Variants in DOK6 observed in about 807,000 individuals in gnomAD.
DOK6 encodes docking protein 6.
In DOK6, 22 loss-of-function variants were observed where a neutral mutation model predicts 44.0. The observed-to-expected ratio is 0.50, with a 90% confidence interval of 0.36 to 0.71. The LOEUF (loss-of-function observed/expected upper bound fraction) is 0.71. Among genes scored for constraint, DOK6 ranks in the 30% least tolerant of loss-of-function variants. The probability of loss-of-function intolerance (pLI) is 0.00; values close to 1 mark genes in which losing one functional copy is unlikely to be tolerated. For missense variants in DOK6, 340 were observed against 416.4 expected, an observed-to-expected ratio of 0.82 and a Z score of 1.60; for synonymous variants, 166 against 145.5, an observed-to-expected ratio of 1.14 and a Z score of -1.01.
At chr18:69,813,771 T>A (rs1263668999) in intron 7 of DOK6, among the ~76,000 whole-genome samples, 2 of 151,904 alleles carry the variant, frequency 1.3e-5, no homozygotes, top group Non-Finnish European at 2.9e-5. Context: ...AAACTAGGAA[T>A]TGGGCAATCT....
chr18:69,824,838 G>A (rs1344295224), intron 7 of DOK6, among the ~76,000 whole-genome samples: 1 of 152,218 alleles, frequency 6.6e-6, no homozygotes, highest in Non-Finnish European at 1.5e-5. Context: ...AGGACTGAAT[G>A]AAGTGAAGAC....
At chr18:69,544,460 AGT>A (rs1232239629) in intron 1 of DOK6, among the ~76,000 whole-genome samples, 1 of 151,706 alleles carries the variant, frequency 6.6e-6, no homozygotes, top group African/African-American at 2.4e-5. Context: ...ATGGGAAAGC[AGT>A]CAGTAAAGGA....
chr18:69,584,393 C>T (rs1395518738), intron 2 of DOK6, among the ~76,000 whole-genome samples: 1 of 152,000 alleles, frequency 6.6e-6, no homozygotes, highest in African/African-American at 2.4e-5. Flanking sequence ...TCAAGCGATT[C>T]CTGATTCTCC....
At chr18:69,614,590 A>G (rs1984240980) in intron 3 of DOK6, among the ~76,000 whole-genome samples, 1 of 150,194 alleles carries the variant, frequency 6.7e-6, no homozygotes, top group African/African-American at 2.5e-5. Flanking sequence ...AACACTTAAA[A>G]TCTACCCTGT....
chr18:69,540,187 G>A (rs1982232926), intron 1 of DOK6, among the ~76,000 whole-genome samples: 1 of 152,092 alleles, frequency 6.6e-6, no homozygotes. Context: ...ATTTGGGTGG[G>A]AACACAGAAC....
At chr18:69,750,343 G>A (rs1328827722) in intron 6 of DOK6, among the ~76,000 whole-genome samples, 1 of 151,918 alleles carries the variant, frequency 6.6e-6, no homozygotes, top group Non-Finnish European at 1.5e-5. Flanking sequence ...TAGAACCATA[G>A]AACAGTCAGA....
intron 3 of DOK6, among the ~76,000 whole-genome samples, chr18:69,611,112 A>C (rs1488355132): frequency 6.6e-6 from 1 of 152,018 alleles, no homozygotes. Flanking sequence ...AAAGAAGATA[A>C]AATGAGCAAA....
At chr18:69,516,313 A>G (rs1165883678) in intron 1 of DOK6, among the ~76,000 whole-genome samples, 1 of 144,852 alleles carries the variant, frequency 6.9e-6, no homozygotes, top group Non-Finnish European at 1.5e-5. Flanking sequence ...ATTATGATAC[A>G]AATATTAGTG....
rs201018089 is a variant in DOK6 at position 69,698,355 on chromosome 18, A to C, written c.410-49A>C. The C allele has an allele frequency of 1.7e-5, 26 of 1,528,462 alleles. No homozygotes were observed. The East Asian group carries it at 5.9e-4, about 35-fold the overall frequency. The allele number at this position is 1,528,462 out of a possible 1,614,324, so 94.7% of individuals were successfully genotyped here. A position where few individuals can be genotyped will look rare whatever the true frequency, so the allele number is the denominator to read the frequency against. On this transcript the variant is annotated intron_variant, in intron 4 of 7. Transcript: ENST00000382713. ...AAATTAATATCGTATGGCCATAGAC[A>C]CTCACACCTCTTTTCACTTAACCTT...
At chr18:69,614,544 TTGTGTGTG>T (rs34596745) in intron 3 of DOK6, among the ~76,000 whole-genome samples, 221 of 149,124 alleles carry the variant, frequency 1.5e-3, no homozygotes, top group African/African-American at 3.9e-3. Flanking sequence ...TATTTTTTCT[TTGTGTGTG>T]TGTGTGTGTG....
chr18:69,442,052 A>C (rs957678693), intron 1 of DOK6, among the ~76,000 whole-genome samples: 1 of 152,130 alleles, frequency 6.6e-6, no homozygotes, highest in East Asian at 1.9e-4. Context: ...GGATTTGGAT[A>C]ATTCCAAATT....
intron 1 of DOK6, among the ~76,000 whole-genome samples, chr18:69,527,491 C>G (rs1393214909): frequency 1.3e-5 from 2 of 152,212 alleles, no homozygotes; most frequent in African/African-American, 4.8e-5. Flanking sequence ...TTCATCAGAA[C>G]AGCATGGTGG....
chr18:69,584,064 C>T (rs1377474370), intron 2 of DOK6, among the ~76,000 whole-genome samples: 1 of 138,346 alleles, frequency 7.2e-6, no homozygotes, highest in Admixed American at 7.9e-5. Context: ...GCCGAGATCG[C>T]GCCACTGCAC....
chr18:69,794,177 C>A (rs912459604), intron 7 of DOK6, among the ~76,000 whole-genome samples: 1 of 152,134 alleles, frequency 6.6e-6, no homozygotes, highest in African/African-American at 2.4e-5. Context: ...CTTTCCATGT[C>A]ATTGGGGCCC....
At chr18:69,435,284 C>T (rs190222991) in intron 1 of DOK6, among the ~76,000 whole-genome samples, 1 of 152,146 alleles carries the variant, frequency 6.6e-6, no homozygotes, top group African/African-American at 2.4e-5. Context: ...TCTCCTTCTC[C>T]CCTCAATATC....
chr18:69,695,058 T>C (rs1418622363), intron 4 of DOK6, among the ~76,000 whole-genome samples: 1 of 152,224 alleles, frequency 6.6e-6, no homozygotes, highest in Non-Finnish European at 1.5e-5. Context: ...AAAGCAAGTG[T>C]TCTTTTGTTC....
intron 3 of DOK6, among the ~76,000 whole-genome samples, chr18:69,670,953 A>T (rs960194658): frequency 5.3e-5 from 8 of 152,128 alleles, no homozygotes; most frequent in African/African-American, 1.9e-4. Flanking sequence ...AAAATATCCA[A>T]TTCCCATCTT....
At chr18:69,696,240 A>G (rs895719302) in intron 4 of DOK6, among the ~76,000 whole-genome samples, 2 of 152,162 alleles carry the variant, frequency 1.3e-5, no homozygotes, top group African/African-American at 4.8e-5. Context: ...GAGCACACAA[A>G]CATTTCAGTG....
intron 1 of DOK6, among the ~76,000 whole-genome samples, chr18:69,555,767 A>G (rs1347287202): frequency 1.3e-5 from 2 of 152,240 alleles, no homozygotes; most frequent in Admixed American, 6.5e-5. Flanking sequence ...AAAATAATTC[A>G]TATTATGCAA....
Sources: allele counts gnomAD v4.1 joint callset (sites outside exome capture counted in the v4.1 genomes callset), GRCh38; gene constraint gnomAD v4.1.1; transcripts MANE v1.5; gene names NCBI Gene and HGNC (gene_info 2026-07-23, HGNC 2026-07-21).